Variants in TLN2 observed in about 807,000 individuals in gnomAD.
TLN2 encodes the protein talin 2.
Under a neutral mutation model 294.7 loss-of-function variants are expected in TLN2, and 118 were observed. That is an observed-to-expected ratio of 0.40 (90% confidence interval 0.34 to 0.47). The LOEUF (loss-of-function observed/expected upper bound fraction) is 0.47. Among genes scored for constraint, TLN2 ranks in the 20% least tolerant of loss-of-function variants. The probability of loss-of-function intolerance (pLI) is 0.84; values close to 1 mark genes in which losing one functional copy is unlikely to be tolerated. For synonymous variants in TLN2, 1,431 were observed against 1,304.5 expected (o/e 1.10, Z -2.09); for missense variants, 3,083 against 3,282.2 (o/e 0.94, Z 1.48).
At chr15:62,403,956 T>C (rs1369539744) in intron 1 of TLN2, among the ~76,000 whole-genome samples, 1 of 152,200 alleles carries the variant, frequency 6.6e-6, no homozygotes, top group African/African-American at 2.4e-5. Flanking sequence ...AAATCATCTC[T>C]GCCGCTGTAT....
intron 37 of TLN2, among the ~76,000 whole-genome samples, chr15:62,757,982 A>G (rs1000584241): frequency 6.6e-6 from 1 of 152,220 alleles, no homozygotes; most frequent in Non-Finnish European, 1.5e-5. Context: ...AGGAATGGTT[A>G]TGTGTTCTGT....
At chr15:62,743,461 G>A (rs1418930841) in intron 32 of TLN2, among the ~76,000 whole-genome samples, 1 of 152,090 alleles carries the variant, frequency 6.6e-6, no homozygotes, top group African/African-American at 2.4e-5. Flanking sequence ...CTGCTTCCGA[G>A]CCTGGGTACG....
At chr15:62,394,106 G>A (rs1046341141) in intron 1 of TLN2, among the ~76,000 whole-genome samples, 1 of 152,116 alleles carries the variant, frequency 6.6e-6, no homozygotes, top group Admixed American at 6.5e-5. Flanking sequence ...TAACTTCATG[G>A]CTTGACCAAA....
intron 21 of TLN2, among the ~76,000 whole-genome samples, chr15:62,709,536 C>T (rs184650639): frequency 6.6e-6 from 1 of 152,232 alleles, no homozygotes; most frequent in African/African-American, 2.4e-5. Context: ...GACAGTTTGT[C>T]TCCAGCAAAA....
Position 62,571,943 on chromosome 15 carries a change from C to A in TLN2, c.-237-17744C>A, listed in dbSNP as rs188205099. ...TGTGGTCTATCCTGTAAGGCCTCTT[C>A]ATGTAATCAAAATCCTCAAGGGCAG... On this transcript the variant is annotated intron_variant, in intron 1 of 58. Coordinates refer to ENST00000636159, the MANE Select transcript of TLN2 (RefSeq NM_015059.3). Among the ~76,000 whole-genome samples the A allele has an allele frequency of 1.1e-4, 17 of 152,310 alleles. No homozygotes were observed. In the East Asian group the frequency reaches 3.1e-3, roughly 28 times the overall value.
intron 54 of TLN2, chr15:62,829,443 G>A (rs56332631): frequency 4.6e-5 from 7 of 152,080 alleles, no homozygotes; most frequent in East Asian, 3.9e-4. Context: ...TCACTATCAC[G>A]AGAACAGCAC....
intron 55 of TLN2, chr15:62,834,862 A>G (rs982105678): frequency 6.6e-6 from 1 of 152,218 alleles, no homozygotes; most frequent in Non-Finnish European, 1.5e-5. Context: ...CTTAGATACT[A>G]GAGAATCCAA....
At chr15:62,750,865 C>G (rs1003421005) in intron 34 of TLN2, among the ~76,000 whole-genome samples, 1 of 152,114 alleles carries the variant, frequency 6.6e-6, no homozygotes, top group Non-Finnish European at 1.5e-5. Context: ...CGTGTATTTT[C>G]TACACCGGAA....
intron 1 of TLN2, among the ~76,000 whole-genome samples, chr15:62,498,782 C>T (rs1014173856): frequency 6.6e-6 from 1 of 151,834 alleles, no homozygotes; most frequent in African/African-American, 2.4e-5. Context: ...ACTAATCAGT[C>T]ACCAATTCAT....
intron 6 of TLN2, 68 bp from the exon 7 acceptor site, chr15:62,653,094 G>A (rs2052783484): frequency 7.5e-7 from 1 of 1,337,420 alleles, no homozygotes; most frequent in African/African-American, 1.5e-5. Context: ...AATATCACAG[G>A]CCTTAGGCTG....
chr15:62,551,685 C>T (rs972002140), intron 1 of TLN2, among the ~76,000 whole-genome samples: 1 of 152,106 alleles, frequency 6.6e-6, no homozygotes, highest in African/African-American at 2.4e-5. Flanking sequence ...AGCTTCAGAG[C>T]GAGACTCTGT....
chr15:62,444,287 C>T (rs140581760), intron 1 of TLN2, among the ~76,000 whole-genome samples: 1 of 152,316 alleles, frequency 6.6e-6, no homozygotes, highest in Non-Finnish European at 1.5e-5. Context: ...GGTCACTGGT[C>T]TCCATGGAGG....
intron 1 of TLN2, among the ~76,000 whole-genome samples, chr15:62,401,635 G>C (rs921789937): frequency 2.0e-5 from 3 of 152,126 alleles, no homozygotes; most frequent in African/African-American, 7.2e-5. Context: ...GTGCAGCCAG[G>C]GTAGAGGACC....
intron 54 of TLN2, chr15:62,830,054 C>T (rs1331341039): frequency 6.8e-6 from 1 of 147,928 alleles, no homozygotes; most frequent in African/African-American, 2.7e-5. Context: ...AGCTTGATGC[C>T]AGTAGTTATA....
chr15:62,614,851 C>T (rs185385562), intron 2 of TLN2, among the ~76,000 whole-genome samples: 383 of 152,258 alleles, frequency 2.5e-3, no homozygotes, highest in African/African-American at 8.4e-3. Context: ...GATGGAGTTT[C>T]GCTCTGTGCA....
chr15:62,401,004 C>T (rs2032981509), intron 1 of TLN2, among the ~76,000 whole-genome samples: 1 of 152,028 alleles, frequency 6.6e-6, no homozygotes, highest in Non-Finnish European at 1.5e-5. Context: ...TTAGCAGAGA[C>T]AGGGTTTCAC....
intron 1 of TLN2, among the ~76,000 whole-genome samples, chr15:62,571,586 C>A (rs2043859437): frequency 6.6e-6 from 1 of 152,124 alleles, no homozygotes; most frequent in Admixed American, 6.5e-5. Context: ...TCATGTGTTG[C>A]CTCCTGTTTG....
intron 32 of TLN2, among the ~76,000 whole-genome samples, chr15:62,746,928 T>C (rs972931961): frequency 3.3e-5 from 5 of 152,208 alleles, no homozygotes; most frequent in African/African-American, 7.2e-5. Flanking sequence ...GCGTGGGTTT[T>C]CAATTTTAAG....
intron 2 of TLN2, among the ~76,000 whole-genome samples, chr15:62,603,435 TAGAGAG>T (rs141901652): frequency 1.3e-5 from 2 of 149,374 alleles, no homozygotes; most frequent in Non-Finnish European, 3.0e-5. Flanking sequence ...TGTAGTGGCA[TAGAGAG>T]AGAGAGAGAG....
Sources: gnomAD v4.1 joint callset for allele counts (sites outside exome capture counted in the v4.1 genomes callset) on GRCh38, gnomAD v4.1.1 for gene constraint, MANE v1.5 for transcripts, NCBI Gene and HGNC (gene_info 2026-07-23, HGNC 2026-07-21) for gene names.